Variants in MAPK14 observed in about 807,000 individuals in gnomAD.
MAPK14 encodes CSAID-binding protein.
MAPK14 carries 16 observed loss-of-function variants against 49.6 expected under a neutral mutation model. The ratio of observed to expected loss-of-function variants is 0.32; its 90% CI spans 0.22 to 0.49. The LOEUF is 0.49. Ranked by LOEUF, MAPK14 falls within the 20% of genes least tolerant of loss-of-function variation. MAPK14 has a pLI of 0.99. For synonymous variants in MAPK14, 142 were observed against 158.0 expected (o/e 0.90, Z 0.76); for missense variants, 200 against 441.2 (o/e 0.45, Z 4.90).
Position 36,102,645 on chromosome 6 carries a change from C to T in MAPK14, c.837C>T (p.Pro279=). Reference sequence around the variant, plus strand: ...CGAATGTATTTATTGGTGCCAATCCCCTGGGTAAGTTGACCATATATCCTC... The same window carrying T: ...CGAATGTATTTATTGGTGCCAATCCTCTGGGTAAGTTGACCATATATCCTC... ...NFANVFIGAN[P]LAVDLLEKML... The change falls in exon 10 of 12, where the codon CCC becomes CCT. Residue 279 remains proline, a synonymous_variant. Transcript: ENST00000229794. 2 of 1,613,750 alleles carry T rather than the reference C, an allele frequency of 1.2e-6. No homozygotes were observed. Among genetic ancestry groups the T allele is most frequent in the Non-Finnish European group, 1.7e-6 (2 of 1,179,726 alleles).
chr6:36,063,479 A>T (rs1763911513), intron 3 of MAPK14, among the ~76,000 whole-genome samples: 1 of 152,126 alleles, frequency 6.6e-6, no homozygotes, highest in African/African-American at 2.4e-5. Flanking sequence ...AGTCCCAGCT[A>T]CTGGGGAGTC....
At chr6:36,104,627 C>A (rs921926815) in intron 10 of MAPK14, among the ~76,000 whole-genome samples, 7 of 152,076 alleles carry the variant, frequency 4.6e-5, no homozygotes, top group African/African-American at 1.7e-4. Context: ...GACCTCGTGA[C>A]CTGCCCGCCT....
At chr6:36,100,330 AC>A in intron 9 of MAPK14, 1 of 1,204,604 alleles carries the variant, frequency 8.3e-7, no homozygotes, top group East Asian at 2.3e-5. Flanking sequence ...TTTTATTGCC[AC>A]CGTATAACCA....
At chr6:36,044,039 A>G (rs1027418400) in intron 1 of MAPK14, among the ~76,000 whole-genome samples, 3 of 151,412 alleles carry the variant, frequency 2.0e-5, no homozygotes, top group Non-Finnish European at 2.9e-5. Flanking sequence ...CGAATACCCA[A>G]CCTCAGGTGA....
intron 8 of MAPK14, among the ~76,000 whole-genome samples, chr6:36,089,026 A>C (rs1009862442): frequency 1.3e-5 from 2 of 152,166 alleles, no homozygotes; most frequent in African/African-American, 4.8e-5. Context: ...ACCAGAAATA[A>C]CATTTGACCC....
At chr6:36,090,137 A>ATT (rs147672941) in intron 8 of MAPK14, among the ~76,000 whole-genome samples, 8 of 151,204 alleles carry the variant, frequency 5.3e-5, no homozygotes, top group Non-Finnish European at 2.9e-5. Context: ...CTTCTTATAT[A>ATT]TTTTTTTTTA....
chr6:36,059,663 T>TTTGTTGTTGTTGTTG (rs58187530), intron 3 of MAPK14, among the ~76,000 whole-genome samples: 5 of 151,476 alleles, frequency 3.3e-5, no homozygotes, highest in Non-Finnish European at 5.9e-5. Context: ...CAGGTTTGGT[T>TTTGTTGTTGTTGTTG]TTGTTGTTGT....
At chr6:36,053,511 T>C (rs1763479639) in intron 2 of MAPK14, among the ~76,000 whole-genome samples, 1 of 152,146 alleles carries the variant, frequency 6.6e-6, no homozygotes, top group Non-Finnish European at 1.5e-5. Flanking sequence ...ATTGGAATAC[T>C]AACTGAAAGT....
chr6:36,098,444 A>G (rs1017364900), intron 9 of MAPK14, among the ~76,000 whole-genome samples: 21 of 152,324 alleles, frequency 1.4e-4, no homozygotes, highest in African/African-American at 5.1e-4. Context: ...AGGCTGAGGC[A>G]GGAGGATCAC....
intron 1 of MAPK14, among the ~76,000 whole-genome samples, chr6:36,030,686 C>CAAAA (rs35145056): frequency 2.5e-5 from 3 of 118,356 alleles, no homozygotes; most frequent in African/African-American, 6.6e-5. Context: ...GACGCCGTCT[C>CAAAA]AAAAAAAAAA....
Position 36,072,882 on chromosome 6 carries a change from G to A in MAPK14, c.315G>A (p.Val105=). 2.5e-6 allele frequency: 4 copies of A among 1,589,294 alleles called. No individual in the cohort carries two copies. Among genetic ancestry groups the A allele is most frequent in the Admixed American group, 1.7e-5 (1 of 58,362 alleles). ...TTTCACTAATTTCTAGGTATCTGGT[G>A]ACCCATCTCATGGGGGCAGATCTGA... ...SLEEFNDVYL[V]THLMGADLNN... Residue 105 remains valine (V), a synonymous_variant, in exon 4 of 12, where the codon GTG becomes GTA. Transcript: ENST00000229794.
At chr6:36,042,476 CTTTTTTTTTTT>C (rs113286534) in intron 1 of MAPK14, among the ~76,000 whole-genome samples, 3 of 102,678 alleles carry the variant, frequency 2.9e-5, no homozygotes, top group South Asian at 7.3e-4. Flanking sequence ...GAAGGAATAT[CTTTTTTTTTTT>C]TTTTTTTTTT....
intron 8 of MAPK14, among the ~76,000 whole-genome samples, chr6:36,093,765 TAGTC>T (rs1024118023): frequency 2.0e-5 from 3 of 148,678 alleles, no homozygotes; most frequent in African/African-American, 7.4e-5. Context: ...CATTGTTAAG[TAGTC>T]AGAAAGAAGT....
At chr6:36,118,409 A>G in the MAPK14 span, among the ~76,000 whole-genome samples, 1 of 152,218 alleles carries the variant, frequency 6.6e-6, no homozygotes, top group Non-Finnish European at 1.5e-5. Context: ...AGTGGTAAAC[A>G]ATGACTGTAC....
At chr6:36,080,333 C>T (rs1057342899) in intron 8 of MAPK14, among the ~76,000 whole-genome samples, 39 of 152,158 alleles carry the variant, frequency 2.6e-4, no homozygotes, top group African/African-American at 8.4e-4. Flanking sequence ...TTTTCATCAC[C>T]GCAGATGGAA....
At chr6:36,037,078 A>T (rs1581730713) in intron 1 of MAPK14, among the ~76,000 whole-genome samples, 1 of 152,130 alleles carries the variant, frequency 6.6e-6, no homozygotes, top group African/African-American at 2.4e-5. Flanking sequence ...GTGCATATAT[A>T]TATTTTTTTG....
At chr6:36,060,506 A>G (rs1763775097) in intron 3 of MAPK14, among the ~76,000 whole-genome samples, 1 of 152,234 alleles carries the variant, frequency 6.6e-6, no homozygotes, top group South Asian at 2.1e-4. Context: ...GAGTGTTACT[A>G]TTATGAAAGC....
At chr6:36,048,227 A>G (rs927246884) in intron 1 of MAPK14, among the ~76,000 whole-genome samples, 7 of 151,700 alleles carry the variant, frequency 4.6e-5, no homozygotes, top group African/African-American at 1.7e-4. Context: ...TTTTTTTAGT[A>G]GAGACGGGTT....
At chr6:36,072,568 C>T (rs1479077480) in intron 3 of MAPK14, among the ~76,000 whole-genome samples, 2 of 151,832 alleles carry the variant, frequency 1.3e-5, no homozygotes, top group East Asian at 3.9e-4. Context: ...AGATCAAGAC[C>T]ATCTTGGCCA....
Sources: allele counts gnomAD v4.1 joint callset (sites outside exome capture counted in the v4.1 genomes callset), GRCh38; gene constraint gnomAD v4.1.1; transcripts MANE v1.5; gene names NCBI Gene and HGNC (gene_info 2026-07-23, HGNC 2026-07-21).